The following NELL1 variants were observed in gnomAD, a reference collection of about 807,000 sequenced individuals.
NELL1 encodes the protein neural EGFL like 1.
A neutral mutation model predicts 107.4 loss-of-function variants in NELL1; 76 were observed. That is an observed-to-expected ratio of 0.71 (90% CI 0.59 to 0.86). The LOEUF (loss-of-function observed/expected upper bound fraction) is 0.86. Among genes scored for constraint, NELL1 ranks in the 40% least tolerant of loss-of-function variants. The probability of loss-of-function intolerance (pLI) is 0.00; values close to 1 mark genes in which losing one functional copy is unlikely to be tolerated. For missense variants in NELL1, 1,024 were observed against 1,005.5 expected (o/e 1.02, Z -0.25); for synonymous variants, 353 against 341.2 (o/e 1.03, Z -0.38).
chr11:20,905,594 A>G (rs1230946922), intron 5 of NELL1, among the ~76,000 whole-genome samples: 2 of 152,152 alleles, frequency 1.3e-5, no homozygotes, highest in East Asian at 3.9e-4. Flanking sequence ...TAAATTATAA[A>G]AAGGAACCAA....
At chr11:20,800,063 A>G (rs781558061) in intron 3 of NELL1, among the ~76,000 whole-genome samples, 1 of 152,196 alleles carries the variant, frequency 6.6e-6, no homozygotes, top group Non-Finnish European at 1.5e-5. Context: ...GCTGCGTAGT[A>G]TCCCATGGTG....
At chr11:20,979,668 C>A (rs770596688) in intron 12 of NELL1, among the ~76,000 whole-genome samples, 2 of 152,130 alleles carry the variant, frequency 1.3e-5, no homozygotes, top group Non-Finnish European at 2.9e-5. Context: ...TTGTTGAAAT[C>A]TTTAAATTCT....
At chr11:20,815,411 G>C (rs1301397705) in intron 3 of NELL1, among the ~76,000 whole-genome samples, 2 of 152,122 alleles carry the variant, frequency 1.3e-5, no homozygotes, top group Non-Finnish European at 2.9e-5. Flanking sequence ...CTAATGATTA[G>C]TGATGTGGAG....
chr11:20,816,958 C>A (rs1304414231), intron 3 of NELL1, among the ~76,000 whole-genome samples: 1 of 152,046 alleles, frequency 6.6e-6, no homozygotes, highest in African/African-American at 2.4e-5. Context: ...GATTTGCATG[C>A]ATTGAAACAA....
intron 4 of NELL1, among the ~76,000 whole-genome samples, chr11:20,855,800 T>C (rs1848871890): frequency 1.3e-5 from 2 of 152,214 alleles, no homozygotes; most frequent in Non-Finnish European, 2.9e-5. Flanking sequence ...TCTCTGTTCC[T>C]TTTATGCTTC....
chr11:20,764,016 T>C (rs1856479668), intron 2 of NELL1, among the ~76,000 whole-genome samples: 1 of 152,238 alleles, frequency 6.6e-6, no homozygotes. Context: ...AACTCTGCAT[T>C]CACTGCACTG....
At position 20,690,712 on chromosome 11, in the gene NELL1, A is replaced by G. The variant is rs953545065; in HGVS notation, c.184+12652A>G. Among the ~76,000 whole-genome samples, 870 of 152,200 alleles carry G rather than the reference A, an allele frequency of 5.7e-3. 1 individual carries two copies. Among genetic ancestry groups the G allele is most frequent in the African/African-American group, 0.02 (833 of 41,502 alleles). On this transcript the variant is annotated intron_variant, in intron 2 of 19. Coordinates refer to ENST00000357134, the MANE Select transcript of NELL1 (RefSeq NM_006157.5). Reference sequence around the variant, plus strand: ...CTTGTAGCATAGTTTGAAGTCAGGTAGCATGATGCCTCCAGCTTTGTTCTT... The same window carrying G: ...CTTGTAGCATAGTTTGAAGTCAGGTGGCATGATGCCTCCAGCTTTGTTCTT...
chr11:20,812,967 C>T (rs1269062317), intron 3 of NELL1, among the ~76,000 whole-genome samples: 12 of 124,812 alleles, frequency 9.6e-5, no homozygotes, highest in African/African-American at 3.6e-4. Context: ...CGGGATTGAG[C>T]CACTGCACTC....
chr11:21,349,470 G>A (rs769293469), intron 14 of NELL1, among the ~76,000 whole-genome samples: 2 of 152,024 alleles, frequency 1.3e-5, no homozygotes, highest in Non-Finnish European at 2.9e-5. Context: ...CCAGAAAATG[G>A]TTTTGAAAAT....
chr11:20,709,942 C>T (rs1351732850), intron 2 of NELL1, among the ~76,000 whole-genome samples: 1 of 152,060 alleles, frequency 6.6e-6, no homozygotes, highest in African/African-American at 2.4e-5. Flanking sequence ...GATTTAGGAG[C>T]TTTTTGGATG....
intron 15 of NELL1, among the ~76,000 whole-genome samples, chr11:21,386,183 C>CA (rs201501809): frequency 0.01 from 1,514 of 148,830 alleles, 22 homozygotes; most frequent in African/African-American, 0.031. Context: ...CCACCCCCGC[C>CA]AAAAAAAAAC....
chr11:21,027,945 G>T (rs746486214), intron 12 of NELL1, among the ~76,000 whole-genome samples: 1 of 152,274 alleles, frequency 6.6e-6, no homozygotes, highest in Middle Eastern at 3.4e-3. Flanking sequence ...TGCTGCTGCA[G>T]TGTGTGTTTT....
chr11:21,363,593 C>G (rs907663296), intron 14 of NELL1, among the ~76,000 whole-genome samples: 3 of 152,182 alleles, frequency 2.0e-5, no homozygotes, highest in African/African-American at 7.2e-5. Context: ...GTGGGAGCTA[C>G]ATGTTAGCTT....
At chr11:21,298,030 A>G (rs1243266718) in intron 14 of NELL1, among the ~76,000 whole-genome samples, 1 of 151,734 alleles carries the variant, frequency 6.6e-6, no homozygotes, top group Admixed American at 6.6e-5. Context: ...TTTATTTTGT[A>G]CCCTATAATT....
chr11:21,448,004 C>G (rs1418864782), intron 15 of NELL1, among the ~76,000 whole-genome samples: 3 of 152,208 alleles, frequency 2.0e-5, no homozygotes, highest in Admixed American at 6.5e-5. Context: ...ACTGAATTCT[C>G]ACAATCGCTT....
At chr11:21,562,551 TA>T (rs1481222521) in intron 17 of NELL1, among the ~76,000 whole-genome samples, 1 of 152,048 alleles carries the variant, frequency 6.6e-6, no homozygotes, top group Non-Finnish European at 1.5e-5. Context: ...GTCACCATTA[TA>T]AAATGAACTG....
At chr11:21,076,624 G>T (rs61880795) in intron 12 of NELL1, among the ~76,000 whole-genome samples, 1 of 151,966 alleles carries the variant, frequency 6.6e-6, no homozygotes, top group African/African-American at 2.4e-5. Context: ...GCTATAATTT[G>T]GATGCTTGTG....
chr11:21,286,291 T>A (rs1849113035), intron 14 of NELL1, among the ~76,000 whole-genome samples: 2 of 152,136 alleles, frequency 1.3e-5, no homozygotes, highest in Non-Finnish European at 2.9e-5. Context: ...TCTTGAAGAA[T>A]AAGGCAAACA....
chr11:20,978,939 G>A (rs1032688362), intron 12 of NELL1, among the ~76,000 whole-genome samples: 3 of 152,122 alleles, frequency 2.0e-5, no homozygotes, highest in Non-Finnish European at 2.9e-5. Context: ...AGTGTGATGG[G>A]ACATGCTGTT....
Sources: allele counts gnomAD v4.1 joint callset (sites outside exome capture counted in the v4.1 genomes callset), GRCh38; gene constraint gnomAD v4.1.1; transcripts MANE v1.5; gene names NCBI Gene and HGNC (gene_info 2026-07-23, HGNC 2026-07-21).